ZNF329: variants seen among roughly 807,000 people sequenced by gnomAD.
The protein encoded by ZNF329 is zinc finger protein 329.
In ZNF329, 15 loss-of-function variants were observed where a neutral mutation model predicts 26.6. The observed-to-expected ratio is 0.56, with a 90% confidence interval of 0.38 to 0.87. The LOEUF is 0.87. ZNF329 is among the 40% of genes least tolerant of loss of function. The probability of loss-of-function intolerance (pLI) is 0.00; values close to 1 mark genes in which losing one functional copy is unlikely to be tolerated. For synonymous variants in ZNF329, 239 were observed against 233.5 expected, an observed-to-expected ratio of 1.02 and a Z score of -0.21; for missense variants, 651 against 651.9, an observed-to-expected ratio of 1.00 and a Z score of 0.02.
At chr19:58,143,859 T>A (rs568945010) in intron 1 of ZNF329, among the ~76,000 whole-genome samples, 1 of 152,130 alleles carries the variant, frequency 6.6e-6, no homozygotes, top group Non-Finnish European at 1.5e-5. Flanking sequence ...GGCAAGTGGA[T>A]CACCCGAGGT....
Position 58,144,974 on chromosome 19 carries a change from C to T in ZNF329, c.-207-1776G>A, listed in dbSNP as rs372551931. ...ACGCCATTCTCCTGCCTCAGCCTCC[C>T]GAGTAGCTGGGACTTCAGGTGCCTG... On this transcript the variant is annotated intron_variant, in intron 1 of 3. Transcript: ENST00000598312. Among the ~76,000 whole-genome samples, 163 of 151,118 alleles carry T rather than the reference C, an allele frequency of 1.1e-3. 2 individuals are homozygous for T. The South Asian group carries it at 0.03, about 28-fold the overall frequency.
chr19:58,129,296 CA>C lies in ZNF329; in HGVS notation c.207del (p.Phe69LeufsTer5). On this transcript the variant is annotated frameshift_variant, in exon 4 of 4. Coordinates refer to ENST00000598312, the MANE Select transcript of ZNF329 (RefSeq NM_024620.4). LOFTEE classifies it high-confidence loss of function. Reference sequence around the variant, plus strand: ...TCTGAGCTTGCAATCAAATGCTCCCCAAAACCAGGATATTCACAAATTGCTT... The same window carrying C: ...TCTGAGCTTGCAATCAAATGCTCCCCAAACCAGGATATTCACAAATTGCTT... The part of the protein sequence containing the change: ...TQEAICEYPG[F>X]GEHLIASSDL... 2 of 1,614,178 alleles carry C rather than the reference CA, an allele frequency of 1.2e-6. No individual in the cohort carries two copies. The highest frequency in any genetic ancestry group is 1.1e-5 in the South Asian group (1 of 91,084).
intron 1 of ZNF329, among the ~76,000 whole-genome samples, chr19:58,146,050 A>C (rs991334752): frequency 3.3e-5 from 5 of 152,168 alleles, no homozygotes; most frequent in Non-Finnish European, 7.4e-5. Context: ...GAGGAAGACT[A>C]AAATAACATG....
At chr19:58,150,628 G>A (rs1324658054) in intron 1 of ZNF329, 124 bp downstream of exon 1, 1 of 152,812 alleles carries the variant, frequency 6.5e-6, no homozygotes, top group East Asian at 1.9e-4. Flanking sequence ...CACCACCCAG[G>A]TGAAACCCAC....
chr19:58,144,392 ATATAT>A (rs1258670962), intron 1 of ZNF329, among the ~76,000 whole-genome samples: 3 of 88,226 alleles, frequency 3.4e-5, no homozygotes, highest in East Asian at 2.6e-4. Flanking sequence ...ATATATATAT[ATATAT>A]TTTTTTTTTG....
chr19:58,154,207 C>T (rs149267602), upstream of ZNF329, among the ~76,000 whole-genome samples: 5,672 of 152,224 alleles, frequency 0.037, 366 homozygotes, highest in African/African-American at 0.13. Flanking sequence ...CGGGGTTTCA[C>T]CATGTTGGCC....
intron 1 of ZNF329, among the ~76,000 whole-genome samples, chr19:58,144,626 T>C (rs2075265521): frequency 6.6e-6 from 1 of 151,278 alleles, no homozygotes; most frequent in African/African-American, 2.4e-5. Flanking sequence ...TGACCTCAGG[T>C]GATCTGCCTG....
At chr19:58,133,549 GC>G (rs1393172418) in intron 3 of ZNF329, among the ~76,000 whole-genome samples, 2 of 151,588 alleles carry the variant, frequency 1.3e-5, no homozygotes, top group East Asian at 3.9e-4. Context: ...ATTCACTCCA[GC>G]CTGGACAACA....
At chr19:58,148,307 T>C (rs1317602780) in intron 1 of ZNF329, among the ~76,000 whole-genome samples, 1 of 149,862 alleles carries the variant, frequency 6.7e-6, no homozygotes, top group Non-Finnish European at 1.5e-5. Context: ...TTTGTTCACT[T>C]ATTTATCTGC....
At position 58,140,618 on chromosome 19, in the gene ZNF329, T is replaced by C. The variant is rs1054510989; in HGVS notation, c.-9+1939A>G. On this transcript the variant is annotated intron_variant, in intron 3 of 3. Transcript: ENST00000598312. ...TTTTAGTAGAGATGGGGTTTCACCA[T>C]GTTGGCCAGGATGGTCTCGATCTCC... 7.2e-5 allele frequency among the ~76,000 whole-genome samples: 11 copies of C among 152,180 alleles called. No homozygotes were observed. In the East Asian group the frequency reaches 2.1e-3, roughly 30 times the overall value.
upstream of ZNF329, among the ~76,000 whole-genome samples, chr19:58,151,272 T>C (rs570501182): frequency 1.6e-4 from 24 of 152,308 alleles, no homozygotes; most frequent in South Asian, 4.1e-3. Context: ...TCAGTGGTTC[T>C]CTTAAACTTT....
At chr19:58,141,810 T>C (rs533702786) in intron 3 of ZNF329, among the ~76,000 whole-genome samples, 114 of 152,056 alleles carry the variant, frequency 7.5e-4, no homozygotes, top group African/African-American at 2.7e-3. Flanking sequence ...GGAGAATCGC[T>C]TGAACCCAAG....
At position 58,147,130 on chromosome 19, in the gene ZNF329, C is replaced by T. The variant is rs1478910115; in HGVS notation, c.-208+3622G>A. ...GGAGCGTCTCTGCCCGGCCGCCCAT[C>T]GTCTGAGATGTGGGGAGCGCCTCTG... On this transcript the variant is annotated intron_variant, in intron 1 of 3. Coordinates refer to ENST00000598312, the MANE Select transcript of ZNF329 (RefSeq NM_024620.4). Among the ~76,000 whole-genome samples, 8 of 149,526 alleles carry T rather than the reference C, an allele frequency of 5.4e-5. No homozygotes were observed. In the East Asian group the frequency reaches 1.2e-3, roughly 22 times the overall value.
chr19:58,152,980 G>A (rs75402884), upstream of ZNF329, among the ~76,000 whole-genome samples: 3,715 of 152,238 alleles, frequency 0.024, 134 homozygotes, highest in African/African-American at 0.083. Context: ...GAAGAGATGA[G>A]TAAAAGTAAT....
Position 58,129,285 on chromosome 19 carries a change from C to T in ZNF329, c.219G>A (p.Leu73=). The change falls in exon 4 of 4, where the codon TTG becomes TTA. Residue 73 remains leucine, a synonymous_variant. Coordinates refer to ENST00000598312, the MANE Select transcript of ZNF329 (RefSeq NM_024620.4). ...ICEYPGFGEH[L]IASSDLPPSQ... Reference sequence around the variant, plus strand: ...ACGGTGGAAGGTCTGAGCTTGCAATCAAATGCTCCCCAAAACCAGGATATT... The same window carrying T: ...ACGGTGGAAGGTCTGAGCTTGCAATTAAATGCTCCCCAAAACCAGGATATT... The T allele has an allele frequency of 6.2e-7, 1 of 1,614,204 alleles. No individual in the cohort carries two copies. Among genetic ancestry groups the T allele is most frequent in the Non-Finnish European group, 8.5e-7 (1 of 1,180,038 alleles).
chr19:58,144,396 A>ATATTT (rs756544055), intron 1 of ZNF329, among the ~76,000 whole-genome samples: 61 of 127,714 alleles, frequency 4.8e-4, no homozygotes, highest in East Asian at 1.6e-3. Flanking sequence ...ATATATATAT[A>ATATTT]TTTTTTTTTT....
At chr19:58,136,881 GC>G in intron 3 of ZNF329, 1 of 176,284 alleles carries the variant, frequency 5.7e-6, no homozygotes. Context: ...AACGCATGGT[GC>G]CCTCAGAATG....
chr19:58,131,301 C>T (rs1006106443), intron 3 of ZNF329, among the ~76,000 whole-genome samples: 1 of 151,818 alleles, frequency 6.6e-6, no homozygotes, highest in South Asian at 2.1e-4. Flanking sequence ...TCCCAGCACT[C>T]TGGGAGGCTG....
At chr19:58,130,736 G>C (rs559218203) in intron 3 of ZNF329, among the ~76,000 whole-genome samples, 10 of 151,258 alleles carry the variant, frequency 6.6e-5, no homozygotes, top group African/African-American at 2.4e-4. Flanking sequence ...AGGGGATGAA[G>C]GGCATTCTGT....
Sources: gnomAD v4.1 joint callset for allele counts (sites outside exome capture counted in the v4.1 genomes callset) on GRCh38, gnomAD v4.1.1 for gene constraint, MANE v1.5 for transcripts, NCBI Gene and HGNC (gene_info 2026-07-23, HGNC 2026-07-21) for gene names.